CSMD1: variants seen among roughly 807,000 people sequenced by gnomAD.
The protein encoded by CSMD1 is CUB and Sushi multiple domains 1.
In CSMD1, 213 loss-of-function variants were observed where a neutral mutation model predicts 417.5. The observed-to-expected ratio is 0.51, with a 90% CI of 0.46 to 0.57. The LOEUF (loss-of-function observed/expected upper bound fraction) is 0.57, where lower values mean the gene tolerates loss of function less well. Ranked by LOEUF, CSMD1 falls within the 20% of genes least tolerant of loss-of-function variation. The pLI, the probability that CSMD1 is intolerant of heterozygous loss-of-function variation, is 0.00. For synonymous variants in CSMD1, 2,862 were observed against 1,736.8 expected (o/e 1.65, Z -16.11); for missense variants, 6,923 against 4,529.7 (o/e 1.53, Z -15.17).
chr8:3,642,229 T>A (rs939525722), intron 7 of CSMD1, among the ~76,000 whole-genome samples: 2 of 151,830 alleles, frequency 1.3e-5, no homozygotes, highest in Non-Finnish European at 2.9e-5. Flanking sequence ...TATTAAATGG[T>A]GAAACCCCCA....
intron 2 of CSMD1, among the ~76,000 whole-genome samples, chr8:4,485,281 A>C (rs1801317532): frequency 6.6e-6 from 1 of 152,220 alleles, no homozygotes; most frequent in Non-Finnish European, 1.5e-5. Context: ...AACGCCTGTC[A>C]GCTGAGAACA....
rs1563123605 is a variant in CSMD1 at position 3,186,987 on chromosome 8, C to T, written c.5620+882G>A. On this transcript the variant is annotated intron_variant, in intron 36 of 69. Coordinates refer to ENST00000635120, the MANE Select transcript of CSMD1 (RefSeq NM_033225.6). Reference sequence around the variant, plus strand: ...GAACTACTGACCTCAGGTGATCCGCCCACCTCAGCCTCCCAATGTAATGCC... The same window carrying T: ...GAACTACTGACCTCAGGTGATCCGCTCACCTCAGCCTCCCAATGTAATGCC... Among the ~76,000 whole-genome samples the T allele has an allele frequency of 3.3e-5, 5 of 152,206 alleles. No individual in the cohort carries two copies. The South Asian group carries it at 8.3e-4, about 25-fold the overall frequency.
intron 5 of CSMD1, among the ~76,000 whole-genome samples, chr8:3,892,480 G>A (rs973092012): frequency 3.3e-5 from 5 of 152,168 alleles, no homozygotes; most frequent in South Asian, 2.1e-4. Flanking sequence ...ACTAAGTTCT[G>A]CAAGAGGATC....
intron 3 of CSMD1, among the ~76,000 whole-genome samples, chr8:4,035,183 C>T (rs1484992394): frequency 1.3e-5 from 2 of 151,992 alleles, no homozygotes; most frequent in Non-Finnish European, 1.5e-5. Flanking sequence ...ATGTTGTAGC[C>T]GTCATGAGGT....
chr8:4,429,659 T>A lies in CSMD1; in HGVS notation c.303-9594A>T, dbSNP rs935905334. Among the ~76,000 whole-genome samples the A allele has an allele frequency of 4.6e-5, 7 of 152,098 alleles. No individual in the cohort carries two copies. The South Asian group carries it at 1.2e-3, about 27-fold the overall frequency. ...ATGCACAGAGGAGGGCCCTTCATGCTGGGTACCCCAAGAGATGGACCCCAA... is the reference window on the plus strand; with the variant it reads ...ATGCACAGAGGAGGGCCCTTCATGCAGGGTACCCCAAGAGATGGACCCCAA... On this transcript the variant is annotated intron_variant, in intron 2 of 69. Coordinates refer to ENST00000635120, the MANE Select transcript of CSMD1 (RefSeq NM_033225.6).
At chr8:4,696,097 G>A (rs958436324) in intron 1 of CSMD1, among the ~76,000 whole-genome samples, 25 of 152,218 alleles carry the variant, frequency 1.6e-4, no homozygotes, top group African/African-American at 5.5e-4. Context: ...TCAATCAACA[G>A]CCTTCAACAA....
rs544954797 is a variant in CSMD1, at chr8:3,791,784, C to A, written c.819-37742G>T. Among the ~76,000 whole-genome samples the A allele has an allele frequency of 1.2e-4, 18 of 152,204 alleles. No homozygotes were observed. In the South Asian group the frequency reaches 3.5e-3, roughly 30 times the overall value. On this transcript the variant is annotated intron_variant, in intron 5 of 69. Transcript: ENST00000635120. ...GTTGCAGTGAGCCGACGTCGCAGCA[C>A]TGCACTCCAGCCTGGGTGACAGAAT... is the stretch of plus-strand genomic sequence containing the variant.
intron 5 of CSMD1, among the ~76,000 whole-genome samples, chr8:3,869,846 C>T (rs569335841): frequency 2.0e-5 from 3 of 152,010 alleles, no homozygotes; most frequent in Non-Finnish European, 4.4e-5. Context: ...ACATTCCATG[C>T]TTTTATGAAT....
At chr8:4,597,808 G>C (rs981452428) in intron 2 of CSMD1, among the ~76,000 whole-genome samples, 1 of 152,124 alleles carries the variant, frequency 6.6e-6, no homozygotes, top group African/African-American at 2.4e-5. Context: ...CTTGCCACAA[G>C]AGCTAGAAAG....
chr8:3,785,761 G>C (rs757762635), intron 5 of CSMD1, among the ~76,000 whole-genome samples: 1 of 152,130 alleles, frequency 6.6e-6, no homozygotes, highest in Non-Finnish European at 1.5e-5. Flanking sequence ...GAAGCCTATG[G>C]TGCCCCAGGA....
chr8:3,760,512 T>C (rs1335759520), intron 5 of CSMD1, among the ~76,000 whole-genome samples: 1 of 152,198 alleles, frequency 6.6e-6, no homozygotes, highest in Non-Finnish European at 1.5e-5. Context: ...ACTCATTCTT[T>C]CATGTAACCT....
At chr8:3,127,785 T>G (rs1261652235) in intron 41 of CSMD1, 2 of 151,680 alleles carry the variant, frequency 1.3e-5, no homozygotes, top group African/African-American at 4.9e-5. Flanking sequence ...AAAAAGTTTA[T>G]GCATTAGAAT....
At chr8:4,169,869 G>A (rs112865733) in intron 3 of CSMD1, among the ~76,000 whole-genome samples, 10 of 149,732 alleles carry the variant, frequency 6.7e-5, no homozygotes, top group African/African-American at 2.3e-4. Context: ...TTAGGATACT[G>A]TGTAATTTAC....
At chr8:4,142,985 C>A (rs555962512) in intron 3 of CSMD1, among the ~76,000 whole-genome samples, 1 of 130,686 alleles carries the variant, frequency 7.7e-6, no homozygotes, top group African/African-American at 2.6e-5. Context: ...AGTTTTCAAA[C>A]TGATTGAAAA....
intron 3 of CSMD1, among the ~76,000 whole-genome samples, chr8:4,160,181 G>C (rs1009659006): frequency 6.6e-6 from 1 of 152,022 alleles, no homozygotes; most frequent in Non-Finnish European, 1.5e-5. Flanking sequence ...TAAGACTTAA[G>C]GGGAAGTATT....
At chr8:4,346,113 G>C (rs1020252318) in intron 3 of CSMD1, among the ~76,000 whole-genome samples, 40 of 152,112 alleles carry the variant, frequency 2.6e-4, no homozygotes, top group African/African-American at 9.7e-4. Context: ...TTCAGCATTA[G>C]AAAGGACCTG....
At chr8:4,156,242 C>A (rs1004702980) in intron 3 of CSMD1, among the ~76,000 whole-genome samples, 3 of 152,134 alleles carry the variant, frequency 2.0e-5, no homozygotes, top group African/African-American at 7.2e-5. Flanking sequence ...CAAAATCTTT[C>A]TTTTTACTAA....
chr8:4,830,632 AG>A (rs1800096426), intron 1 of CSMD1, among the ~76,000 whole-genome samples: 1 of 152,246 alleles, frequency 6.6e-6, no homozygotes, highest in Non-Finnish European at 1.5e-5. Flanking sequence ...TGATCGTGGT[AG>A]TTTTTTATTG....
At chr8:3,912,423 T>C (rs181042181) in intron 5 of CSMD1, among the ~76,000 whole-genome samples, 55 of 152,270 alleles carry the variant, frequency 3.6e-4, no homozygotes, top group Middle Eastern at 3.4e-3. Flanking sequence ...GGTGGGACGA[T>C]TTCTACTTAG....
Sources: gnomAD v4.1 joint callset for allele counts (sites outside exome capture counted in the v4.1 genomes callset) on GRCh38, gnomAD v4.1.1 for gene constraint, MANE v1.5 for transcripts, NCBI Gene and HGNC (gene_info 2026-07-23, HGNC 2026-07-21) for gene names.